The following MS4A4E variants were observed in gnomAD, a reference collection of about 807,000 sequenced individuals.
MS4A4E encodes the protein membrane spanning 4-domains A4E.
MS4A4E carries 23 observed loss-of-function variants against 13.3 expected under a neutral mutation model. The observed-to-expected ratio is 1.73, with a 90% confidence interval of 1.25 to 2.45. The LOEUF (loss-of-function observed/expected upper bound fraction) is 2.45. Among genes scored for constraint, MS4A4E ranks in the 30% most tolerant of loss-of-function variants. The pLI is 0.00. For missense variants in MS4A4E, 144 were observed against 131.2 expected (o/e 1.10, Z -0.48); for synonymous variants, 36 against 45.6 (o/e 0.79, Z 0.85).
chr11:60,227,040 C>T (rs1471412525), intron 3 of MS4A4E, among the ~76,000 whole-genome samples: 1 of 151,922 alleles, frequency 6.6e-6, no homozygotes, highest in Non-Finnish European at 1.5e-5. Flanking sequence ...AAATTAGCAA[C>T]CCTAAAAATT....
intron 3 of MS4A4E, among the ~76,000 whole-genome samples, chr11:60,225,863 T>A (rs2084334046): frequency 6.6e-6 from 1 of 151,576 alleles, no homozygotes; most frequent in Admixed American, 6.6e-5. Flanking sequence ...TGAAATCCAA[T>A]GCTTTTTTTT....
chr11:60,218,536 T>A (rs939054394), intron 3 of MS4A4E, among the ~76,000 whole-genome samples: 1 of 152,158 alleles, frequency 6.6e-6, no homozygotes, highest in South Asian at 2.1e-4. Flanking sequence ...TTGTGTACTC[T>A]GTCCCTTTAT....
At chr11:60,219,128 C>T (rs2134941378) in intron 3 of MS4A4E, among the ~76,000 whole-genome samples, 1 of 152,260 alleles carries the variant, frequency 6.6e-6, no homozygotes, top group East Asian at 1.9e-4. Context: ...CTATTCATCC[C>T]AGCTGGGAGG....
chr11:60,204,724 C>T (rs1161616868), intron 8 of MS4A4E, among the ~76,000 whole-genome samples, 166 bp downstream of exon 8: 1 of 152,108 alleles, frequency 6.6e-6, no homozygotes, highest in Non-Finnish European at 1.5e-5. Context: ...AAACATACTT[C>T]CTTTACAGAC....
At chr11:60,223,807 G>A (rs1869200) in intron 3 of MS4A4E, among the ~76,000 whole-genome samples, 19,514 of 152,130 alleles carry the variant, frequency 0.13, 1,338 homozygotes, top group Middle Eastern at 0.16. Context: ...ACTCAAACTG[G>A]CTTCATTGCC....
At chr11:60,213,885 T>G (rs1248917826) in intron 4 of MS4A4E, among the ~76,000 whole-genome samples, 1 of 152,174 alleles carries the variant, frequency 6.6e-6, no homozygotes, top group Admixed American at 6.5e-5. Flanking sequence ...AAAATCCTTT[T>G]TGGATACAGT....
intron 3 of MS4A4E, among the ~76,000 whole-genome samples, chr11:60,225,728 G>A (rs768071252): frequency 2.0e-5 from 3 of 151,898 alleles, no homozygotes; most frequent in Non-Finnish European, 4.4e-5. Context: ...TCACCTGAGA[G>A]TCTACCTTAA....
At chr11:60,220,024 A>G (rs752004095) in intron 3 of MS4A4E, among the ~76,000 whole-genome samples, 2 of 152,196 alleles carry the variant, frequency 1.3e-5, no homozygotes, top group Non-Finnish European at 2.9e-5. Context: ...CCTGACTCAT[A>G]GAGTGAAGGC....
intron 1 of MS4A4E, among the ~76,000 whole-genome samples, chr11:60,232,445 A>G (rs1565128255): frequency 6.6e-6 from 1 of 152,148 alleles, no homozygotes. Context: ...GAAGAAGGAG[A>G]GAAAACACCT....
chr11:60,237,934 G>A (rs866063704), intron 1 of MS4A4E, among the ~76,000 whole-genome samples: 1 of 151,828 alleles, frequency 6.6e-6, no homozygotes, highest in Non-Finnish European at 1.5e-5. Flanking sequence ...TGAGGCATTC[G>A]TGGTGGCTTT....
intron 1 of MS4A4E, among the ~76,000 whole-genome samples, chr11:60,233,545 T>C (rs547408435): frequency 6.6e-6 from 1 of 152,324 alleles, no homozygotes; most frequent in Admixed American, 6.5e-5. Context: ...TGCAAAACCC[T>C]GAGCCTAGGA....
At chr11:60,223,266 T>A (rs2084296061) in intron 3 of MS4A4E, among the ~76,000 whole-genome samples, 1 of 151,054 alleles carries the variant, frequency 6.6e-6, no homozygotes, top group African/African-American at 2.5e-5. Context: ...TTTTATTTTC[T>A]TTCTTTTTTC....
At chr11:60,221,401 T>C (rs935859067) in intron 3 of MS4A4E, among the ~76,000 whole-genome samples, 1 of 152,144 alleles carries the variant, frequency 6.6e-6, no homozygotes, top group Non-Finnish European at 1.5e-5. Flanking sequence ...CCACACTGCC[T>C]TCTCTCCCCC....
intron 3 of MS4A4E, among the ~76,000 whole-genome samples, chr11:60,222,328 C>G (rs548462549): frequency 6.6e-6 from 1 of 152,192 alleles, no homozygotes; most frequent in African/African-American, 2.4e-5. Flanking sequence ...AAGGCACTCA[C>G]TTGTTGGCTA....
intron 1 of MS4A4E, among the ~76,000 whole-genome samples, chr11:60,236,494 G>A (rs572804399): frequency 2.1e-3 from 322 of 151,610 alleles, no homozygotes; most frequent in African/African-American, 7.4e-3. Flanking sequence ...TGTAGTATTC[G>A]ATGTACAAGT....
At chr11:60,203,048 T>C (rs1236990809) in intron 8 of MS4A4E, among the ~76,000 whole-genome samples, 1 of 152,216 alleles carries the variant, frequency 6.6e-6, no homozygotes, top group Non-Finnish European at 1.5e-5. Flanking sequence ...ATATGGACAT[T>C]ACTCTTATAC....
At chr11:60,241,627 C>T (rs1286729607) in intron 1 of MS4A4E, among the ~76,000 whole-genome samples, 2 of 152,156 alleles carry the variant, frequency 1.3e-5, no homozygotes, top group Non-Finnish European at 2.9e-5. Context: ...TGCCTCCTAT[C>T]TTTACACCAC....
At chr11:60,219,701 T>C (rs2084243449) in intron 3 of MS4A4E, among the ~76,000 whole-genome samples, 1 of 152,124 alleles carries the variant, frequency 6.6e-6, no homozygotes, top group Admixed American at 6.5e-5. Flanking sequence ...CTCCCATCCT[T>C]CCTCAAGGAG....
intron 1 of MS4A4E, among the ~76,000 whole-genome samples, chr11:60,231,693 T>A (rs2084413164): frequency 6.6e-6 from 1 of 152,158 alleles, no homozygotes; most frequent in South Asian, 2.1e-4. Flanking sequence ...ATTAAATGCA[T>A]CAGCTGATAC....
Sources: gnomAD v4.1 joint callset for allele counts (sites outside exome capture counted in the v4.1 genomes callset) on GRCh38, gnomAD v4.1.1 for gene constraint, MANE v1.5 for transcripts, NCBI Gene and HGNC (gene_info 2026-07-23, HGNC 2026-07-21) for gene names.